The following HECW1 variants were observed in gnomAD, a reference collection of about 807,000 sequenced individuals.
HECW1 encodes the protein E3 ubiquitin-protein ligase HECW1.
Under a neutral mutation model 182.3 loss-of-function variants are expected in HECW1, and 61 were observed. The observed-to-expected ratio is 0.33, with a 90% CI of 0.27 to 0.41. HECW1 has a LOEUF of 0.41. Among genes scored for constraint, HECW1 ranks in the 10% least tolerant of loss-of-function variants. The pLI is 1.00. For missense variants in HECW1, 1,739 were observed against 2,108.9 expected (o/e 0.82, Z 3.44); for synonymous variants, 859 against 832.6 (o/e 1.03, Z -0.55).
At chr7:43,295,637 G>A (rs1255008271) in intron 3 of HECW1, among the ~76,000 whole-genome samples, 3 of 152,096 alleles carry the variant, frequency 2.0e-5, no homozygotes, top group Non-Finnish European at 4.4e-5. Flanking sequence ...GGGGAGGAGT[G>A]GTGGAGGAGG....
chr7:43,387,037 A>G (rs775350870), intron 6 of HECW1, among the ~76,000 whole-genome samples: 15 of 152,172 alleles, frequency 9.9e-5, no homozygotes, highest in Non-Finnish European at 2.2e-4. Flanking sequence ...GGGCAGAAAC[A>G]TGATCCAGCC....
At chr7:43,173,386 G>A (rs1263656285) in intron 2 of HECW1, among the ~76,000 whole-genome samples, 2 of 152,188 alleles carry the variant, frequency 1.3e-5, no homozygotes, top group Non-Finnish European at 1.5e-5. Context: ...GTTGCCTCCA[G>A]TGGCTGTCCA....
intron 3 of HECW1, among the ~76,000 whole-genome samples, chr7:43,260,801 A>G (rs1262717181): frequency 6.6e-6 from 1 of 152,192 alleles, no homozygotes; most frequent in African/African-American, 2.4e-5. Flanking sequence ...TGTAGGTTTC[A>G]TCTAGTTGGG....
chr7:43,511,996 C>T (rs970378872), intron 24 of HECW1: 3 of 208,066 alleles, frequency 1.4e-5, no homozygotes, highest in South Asian at 1.9e-4. Flanking sequence ...CAAATCTGAT[C>T]GCTCACGACT....
At chr7:43,287,787 A>C (rs1310858207) in intron 3 of HECW1, among the ~76,000 whole-genome samples, 2 of 152,236 alleles carry the variant, frequency 1.3e-5, no homozygotes, top group African/African-American at 4.8e-5. Context: ...GTCAGAGGAC[A>C]GGGCAGATTT....
chr7:43,166,069 G>T (rs1791078749), intron 2 of HECW1, among the ~76,000 whole-genome samples: 1 of 152,166 alleles, frequency 6.6e-6, no homozygotes, highest in Admixed American at 6.5e-5. Context: ...CTGGTGAAGG[G>T]ATTTTTGTTT....
At chr7:43,454,181 T>C (rs2077326748) in intron 12 of HECW1, among the ~76,000 whole-genome samples, 1 of 152,210 alleles carries the variant, frequency 6.6e-6, no homozygotes, top group Non-Finnish European at 1.5e-5. Context: ...TTCTTTACTG[T>C]AGGTTCCTGG....
intron 12 of HECW1, among the ~76,000 whole-genome samples, chr7:43,452,667 A>G (rs941076283): frequency 6.6e-6 from 1 of 152,260 alleles, no homozygotes; most frequent in African/African-American, 2.4e-5. Context: ...ACAGATTAGC[A>G]AACAATAAAA....
chr7:43,499,251 G>A (rs963413745), intron 19 of HECW1, among the ~76,000 whole-genome samples: 4 of 152,024 alleles, frequency 2.6e-5, no homozygotes, highest in Non-Finnish European at 5.9e-5. Flanking sequence ...TCACTGCACT[G>A]CAGAGTGAGC....
intron 2 of HECW1, among the ~76,000 whole-genome samples, chr7:43,223,333 C>G (rs567921927): frequency 1.3e-5 from 2 of 152,150 alleles, no homozygotes; most frequent in Admixed American, 1.3e-4. Flanking sequence ...AAACATTTGT[C>G]AAGGCCAGGC....
At position 43,302,718 on chromosome 7, in the gene HECW1, G is replaced by A. The variant is rs556659477; in HGVS notation, c.28-9045G>A. Among the ~76,000 whole-genome samples the A allele has an allele frequency of 1.6e-3, 245 of 152,310 alleles. 2 individuals are homozygous for A. The highest frequency in any genetic ancestry group is 5.2e-3 in the Admixed American group (79 of 15,306). On this transcript the variant is annotated intron_variant, in intron 3 of 29. Transcript: ENST00000395891. ...CTGGGCGCCTTGGGCCCCTGGAGCC[G>A]CACTGTGGTTCTGGGAGGTGAACAC...
intron 19 of HECW1, among the ~76,000 whole-genome samples, chr7:43,497,926 C>T (rs763344205): frequency 4.1e-4 from 63 of 152,194 alleles, no homozygotes; most frequent in Admixed American, 1.9e-3. Context: ...AAGCCACAAG[C>T]GGCTTCAAAT....
At chr7:43,525,648 C>T (rs188401871) in intron 24 of HECW1, among the ~76,000 whole-genome samples, 1 of 152,320 alleles carries the variant, frequency 6.6e-6, no homozygotes, top group Admixed American at 6.5e-5. Context: ...AAATTGAGAA[C>T]AGAACCAAGG....
chr7:43,254,616 C>A (rs754923765), intron 3 of HECW1, among the ~76,000 whole-genome samples: 49 of 152,164 alleles, frequency 3.2e-4, no homozygotes, highest in Non-Finnish European at 6.5e-4. Context: ...AACAAAAGCC[C>A]CCTTGCCTCC....
intron 2 of HECW1, among the ~76,000 whole-genome samples, chr7:43,154,682 G>C (rs1001012432): frequency 6.6e-5 from 10 of 152,160 alleles, no homozygotes; most frequent in African/African-American, 2.4e-4. Context: ...AGAAAGCCCT[G>C]TATTCCAGCA....
intron 2 of HECW1, among the ~76,000 whole-genome samples, chr7:43,132,074 C>T (rs1786991530): frequency 6.6e-6 from 1 of 152,196 alleles, no homozygotes; most frequent in Non-Finnish European, 1.5e-5. Context: ...ACTCTATTTT[C>T]TCTGACTCTT....
intron 2 of HECW1, among the ~76,000 whole-genome samples, chr7:43,171,066 G>A (rs1212204685): frequency 6.6e-6 from 1 of 152,190 alleles, no homozygotes; most frequent in Non-Finnish European, 1.5e-5. Context: ...TCAGATGGGA[G>A]TGCACAAGCA....
rs1222819112 is a variant in HECW1 at position 43,565,564 on chromosome 7, ATTATTATTATTATTATTT to A, written c.*3656_*3673del. ...TACATAACAAATGTGGTGCTTTATT[ATTATTATTATTATTATTT>A]TTATTATTATTATTATTACGTACTT... On this transcript the variant is annotated 3_prime_UTR_variant, in exon 30 of 30. Transcript: ENST00000395891. 39 of 164,200 alleles carry A rather than the reference ATTATTATTATTATTATTT, an allele frequency of 2.4e-4. No homozygotes were observed. The East Asian group carries it at 4.2e-3, about 18-fold the overall frequency. The allele number at this position is 164,200 out of a possible 1,614,324, so 10.2% of individuals were successfully genotyped here. A position where few individuals can be genotyped will look rare whatever the true frequency, so the allele number is the denominator to read the frequency against.
intron 2 of HECW1, among the ~76,000 whole-genome samples, chr7:43,198,034 A>T (rs539904867): frequency 1.1e-4 from 16 of 151,634 alleles, no homozygotes; most frequent in African/African-American, 3.6e-4. Flanking sequence ...AACAACCTAC[A>T]CATACACACA....
Sources: allele counts gnomAD v4.1 joint callset (sites outside exome capture counted in the v4.1 genomes callset), GRCh38; gene constraint gnomAD v4.1.1; transcripts MANE v1.5; gene names NCBI Gene and HGNC (gene_info 2026-07-23, HGNC 2026-07-21).